C16orf74: variants seen among roughly 807,000 people sequenced by gnomAD.
The protein encoded by C16orf74 is uncharacterized protein C16orf74.
Under a neutral mutation model 6.5 loss-of-function variants are expected in C16orf74, and 10 were observed. The ratio of observed to expected loss-of-function variants is 1.54; its 90% confidence interval spans 0.95 to 2.61. C16orf74 has a LOEUF of 2.61. Ranked by LOEUF, C16orf74 falls within the 30% of genes most tolerant of loss-of-function variation. C16orf74 has a pLI of 0.00. For missense variants in C16orf74, 141 were observed against 105.9 expected, an observed-to-expected ratio of 1.33 and a Z score of -1.45; for synonymous variants, 60 against 42.5, an observed-to-expected ratio of 1.41 and a Z score of -1.60.
At chr16:85,717,741 A>T (rs74034060) in intron 2 of C16orf74, among the ~76,000 whole-genome samples, 1 of 152,218 alleles carries the variant, frequency 6.6e-6, no homozygotes. Flanking sequence ...CCATGCTACA[A>T]AGGAGAACAC....
intron 1 of C16orf74, among the ~76,000 whole-genome samples, chr16:85,748,454 C>T (rs1000554317): frequency 3.3e-5 from 5 of 151,808 alleles, no homozygotes; most frequent in South Asian, 4.2e-4. Flanking sequence ...AAAAATTAGC[C>T]GGGCATGGTG....
chr16:85,742,902 A>T (rs1382356785), intron 1 of C16orf74, among the ~76,000 whole-genome samples: 1 of 152,164 alleles, frequency 6.6e-6, no homozygotes, highest in Non-Finnish European at 1.5e-5. Flanking sequence ...ACACAAATGG[A>T]CTAAGACAGG....
chr16:85,709,910 C>T (rs372471818), intron 3 of C16orf74, among the ~76,000 whole-genome samples: 83 of 152,366 alleles, frequency 5.4e-4, no homozygotes, highest in Non-Finnish European at 7.8e-4. Context: ...CCAGCCCGGC[C>T]CCATCCATCA....
intron 2 of C16orf74, among the ~76,000 whole-genome samples, chr16:85,719,929 G>T (rs1023767098): frequency 6.6e-6 from 1 of 151,816 alleles, no homozygotes; most frequent in African/African-American, 2.4e-5. Context: ...AGGAACAGAG[G>T]GGCCACAGGG....
intron 2 of C16orf74, among the ~76,000 whole-genome samples, chr16:85,730,854 C>T (rs2054180079): frequency 7.0e-6 from 1 of 142,872 alleles, no homozygotes; most frequent in Non-Finnish European, 1.5e-5. Flanking sequence ...CAAAATCCCC[C>T]AAACCACAAA....
At chr16:85,729,356 C>T (rs572266808) in intron 2 of C16orf74, among the ~76,000 whole-genome samples, 1 of 152,350 alleles carries the variant, frequency 6.6e-6, no homozygotes, top group African/African-American at 2.4e-5. Flanking sequence ...TCACCATGGC[C>T]AGGCCCTTGA....
intron 1 of C16orf74, among the ~76,000 whole-genome samples, chr16:85,736,564 T>G: frequency 6.6e-6 from 1 of 151,462 alleles, no homozygotes; most frequent in Admixed American, 6.6e-5. Flanking sequence ...ACCGGGGCCT[T>G]GGGAAGGGAG....
At chr16:85,724,387 T>G (rs2054112378) in intron 2 of C16orf74, among the ~76,000 whole-genome samples, 1 of 152,208 alleles carries the variant, frequency 6.6e-6, no homozygotes, top group South Asian at 2.1e-4. Flanking sequence ...AGGCTCTGTC[T>G]GGACTCTGGA....
intron 2 of C16orf74, among the ~76,000 whole-genome samples, chr16:85,731,944 G>C (rs542076060): frequency 6.6e-6 from 1 of 152,224 alleles, no homozygotes; most frequent in African/African-American, 2.4e-5. Flanking sequence ...TCCTGCCTCA[G>C]TTTCCCAAAG....
intron 2 of C16orf74, among the ~76,000 whole-genome samples, chr16:85,721,724 T>A (rs543705463): frequency 5.3e-5 from 8 of 152,318 alleles, no homozygotes; most frequent in South Asian, 2.1e-4. Flanking sequence ...ACTGGGCATT[T>A]CAGGGCTGGC....
intron 2 of C16orf74, among the ~76,000 whole-genome samples, chr16:85,718,310 C>T (rs1049770371): frequency 6.6e-6 from 1 of 152,220 alleles, no homozygotes; most frequent in Non-Finnish European, 1.5e-5. Flanking sequence ...AAACGATCCT[C>T]CTGCCTTGGC....
chr16:85,735,243 G>C lies in C16orf74; in HGVS notation c.-18-8C>G. 5 of 1,574,688 alleles carry C rather than the reference G, an allele frequency of 3.2e-6. No homozygotes were observed. The highest frequency in any genetic ancestry group is 4.3e-6 in the Non-Finnish European group (5 of 1,161,118). ...GTCGGCACCTCTGCAGGCCTGTGGA[G>C]AGAGGACAGCGCTGAGAGAGGGGAG... On this transcript the variant is annotated splice_region_variant and splice_polypyrimidine_tract_variant and intron_variant, in intron 1 of 3. Coordinates refer to ENST00000284245, the MANE Select transcript of C16orf74 (RefSeq NM_206967.3).
intron 3 of C16orf74, among the ~76,000 whole-genome samples, 194 bp downstream of exon 3, chr16:85,709,970 C>G (rs753123287): frequency 6.6e-6 from 1 of 152,276 alleles, no homozygotes; most frequent in South Asian, 2.1e-4. Context: ...TAACACGCCG[C>G]GTCGTGCTGA....
chr16:85,727,896 T>C (rs1044619415), intron 2 of C16orf74, among the ~76,000 whole-genome samples: 1 of 143,020 alleles, frequency 7.0e-6, no homozygotes, highest in Non-Finnish European at 1.5e-5. Context: ...CCTAGCACCT[T>C]GGGAGGTCCA....
chr16:85,709,084 G>A (rs1390398699), intron 3 of C16orf74, among the ~76,000 whole-genome samples: 1 of 152,246 alleles, frequency 6.6e-6, no homozygotes, highest in East Asian at 1.9e-4. Flanking sequence ...TGGGGGTGTG[G>A]TGGCTCATGC....
intron 1 of C16orf74, among the ~76,000 whole-genome samples, chr16:85,749,500 C>G (rs2054412040): frequency 6.6e-6 from 1 of 152,080 alleles, no homozygotes; most frequent in Admixed American, 6.5e-5. Context: ...CCAGGCTGGT[C>G]TCGAACTCCT....
At chr16:85,749,982 G>A (rs1228818733) in intron 1 of C16orf74, among the ~76,000 whole-genome samples, 4 of 152,214 alleles carry the variant, frequency 2.6e-5, no homozygotes, top group African/African-American at 9.6e-5. Flanking sequence ...GGCCTGCACA[G>A]GTGAGGGTGC....
chr16:85,708,937 C>T (rs1000228473), intron 3 of C16orf74, among the ~76,000 whole-genome samples: 5 of 152,240 alleles, frequency 3.3e-5, no homozygotes, highest in Admixed American at 6.5e-5. Flanking sequence ...ATGCCACTTG[C>T]GGGGAGGACA....
At chr16:85,722,670 T>C (rs1263984633) in intron 2 of C16orf74, among the ~76,000 whole-genome samples, 2 of 152,108 alleles carry the variant, frequency 1.3e-5, no homozygotes, top group African/African-American at 4.8e-5. Flanking sequence ...AGCAGCAACA[T>C]GCTTTGGGAC....
Sources: allele counts gnomAD v4.1 joint callset (sites outside exome capture counted in the v4.1 genomes callset), GRCh38; gene constraint gnomAD v4.1.1; transcripts MANE v1.5; gene names NCBI Gene and HGNC (gene_info 2026-07-23, HGNC 2026-07-21).